Variants in LRIF1 observed in about 807,000 individuals in gnomAD.
The protein encoded by LRIF1 is ligand-dependent nuclear receptor-interacting factor 1.
Under a neutral mutation model 52.7 loss-of-function variants are expected in LRIF1, and 32 were observed. The ratio of observed to expected loss-of-function variants is 0.61; its 90% CI spans 0.46 to 0.82. The LOEUF is 0.82. Among genes scored for constraint, LRIF1 ranks in the 40% least tolerant of loss-of-function variants. LRIF1 has a pLI of 0.00. For synonymous variants in LRIF1, 323 were observed against 317.4 expected, an observed-to-expected ratio of 1.02 and a Z score of -0.19; for missense variants, 887 against 892.0, an observed-to-expected ratio of 0.99 and a Z score of 0.07.
chr1:110,960,892 C>A (rs1367527954), intron 1 of LRIF1, among the ~76,000 whole-genome samples: 2 of 152,150 alleles, frequency 1.3e-5, no homozygotes, highest in Non-Finnish European at 2.9e-5. Context: ...AGACTGCCAA[C>A]GTTATCTAAA....
chr1:110,960,721 T>C (rs1254868673), intron 1 of LRIF1, among the ~76,000 whole-genome samples: 1 of 152,200 alleles, frequency 6.6e-6, no homozygotes, highest in Admixed American at 6.5e-5. Flanking sequence ...TTGATCCCCC[T>C]TTCTTCCTGC....
Position 110,952,456 on chromosome 1 carries a change from T to C in LRIF1, c.428A>G (p.Asp143Gly), listed in dbSNP as rs767347685. 70 of 1,612,150 alleles carry C rather than the reference T, an allele frequency of 4.3e-5. No homozygotes were observed. Among genetic ancestry groups the C allele is most frequent in the Non-Finnish European group, 5.8e-5 (68 of 1,178,426 alleles). Residue 143 changes from aspartate (D) to glycine (G), a missense_variant, in exon 2 of 4, where the codon GAT (aspartate) becomes GGT (glycine). Asp to Gly is a moderately conservative substitution (Grantham distance 94, BLOSUM62 -1). Coordinates refer to ENST00000369763, the MANE Select transcript of LRIF1 (RefSeq NM_018372.4). ...AGCAAATGTTTGCATGGTGAGTCCA[T>C]CAATTTTCACACCATGACTCTGAAC... is the stretch of plus-strand genomic sequence containing the variant. ...SKVQSHGVKIDGLTMQTFAVP... is the reference protein window; with the variant it reads ...SKVQSHGVKIGGLTMQTFAVP...
At chr1:110,897,734 T>A in the LRIF1 span, 2 of 886,768 alleles carry the variant, frequency 2.3e-6, no homozygotes, top group African/African-American at 1.7e-5. Flanking sequence ...TGCAAAGCAC[T>A]GTATCTTCCA....
At chr1:110,887,260 T>A in the LRIF1 span, among the ~76,000 whole-genome samples, 28 of 152,016 alleles carry the variant, frequency 1.8e-4, no homozygotes, top group African/African-American at 6.8e-4. Flanking sequence ...GAGACGGGGT[T>A]TCACCGTGTT....
At position 110,947,731 on chromosome 1, in the gene LRIF1, T is replaced by C. The variant is rs1658261196; in HGVS notation, c.*228A>G. 2.6e-6 allele frequency: 1 copy of C among 383,682 alleles called. No individual in the cohort carries two copies. Among genetic ancestry groups the C allele is most frequent in the Non-Finnish European group, 4.5e-6 (1 of 223,402 alleles). The allele number at this position is 383,682 out of a possible 1,614,324, so 23.8% of individuals were successfully genotyped here. On this transcript the variant is annotated 3_prime_UTR_variant, in exon 4 of 4. Coordinates refer to ENST00000369763, the MANE Select transcript of LRIF1 (RefSeq NM_018372.4). ...AAATAATAGAAAAATATAAAATTTATCCTTCCAAAAAAAGGTATCTAAGAC... is the reference window on the plus strand; with the variant it reads ...AAATAATAGAAAAATATAAAATTTACCCTTCCAAAAAAAGGTATCTAAGAC...
chr1:110,945,800 C>G (rs954710544), downstream of LRIF1, among the ~76,000 whole-genome samples: 1 of 152,172 alleles, frequency 6.6e-6, no homozygotes, highest in African/African-American at 2.4e-5. Flanking sequence ...AGTGATGATT[C>G]ATGAAATTAC....
the LRIF1 span, among the ~76,000 whole-genome samples, chr1:110,917,711 A>G: frequency 6.6e-6 from 1 of 150,410 alleles, no homozygotes; most frequent in Non-Finnish European, 1.5e-5. Context: ...TAAACTGTAT[A>G]GTATGTTATA....
the LRIF1 span, among the ~76,000 whole-genome samples, chr1:110,875,300 T>C: frequency 6.6e-6 from 1 of 152,094 alleles, no homozygotes; most frequent in Non-Finnish European, 1.5e-5. Flanking sequence ...CACCAGAAAG[T>C]GGAGGGCAAG....
chr1:110,927,308 C>G, the LRIF1 span, among the ~76,000 whole-genome samples: 1 of 152,100 alleles, frequency 6.6e-6, no homozygotes, highest in Non-Finnish European at 1.5e-5. Context: ...AACTTCTTGC[C>G]TCCTTGTGAG....
chr1:110,899,126 G>T, the LRIF1 span: 1 of 1,613,542 alleles, frequency 6.2e-7, no homozygotes, highest in South Asian at 1.1e-5. Context: ...TTTCACAGGT[G>T]TTGGGGATGT....
intron 1 of LRIF1, chr1:110,963,392 G>T: frequency 2.9e-6 from 1 of 345,914 alleles, no homozygotes; most frequent in Non-Finnish European, 5.4e-6. Context: ...TTGAGACGCT[G>T]GGGTCCCGCG....
At chr1:110,912,426 G>T in the LRIF1 span, among the ~76,000 whole-genome samples, 1 of 152,068 alleles carries the variant, frequency 6.6e-6, no homozygotes, top group Non-Finnish European at 1.5e-5. Context: ...TGGCCAAGCT[G>T]GTCTAAAACT....
the LRIF1 span, among the ~76,000 whole-genome samples, chr1:110,904,392 C>T: frequency 2.0e-5 from 3 of 152,088 alleles, no homozygotes; most frequent in South Asian, 2.1e-4. Context: ...GTGACACAGG[C>T]GTGCTTGTGT....
chr1:110,876,381 A>C, the LRIF1 span, among the ~76,000 whole-genome samples: 3 of 152,226 alleles, frequency 2.0e-5, no homozygotes, highest in African/African-American at 7.2e-5. Context: ...AGTGCATTTT[A>C]ACATAAGCAA....
chr1:110,935,100 G>A, the LRIF1 span, among the ~76,000 whole-genome samples: 2 of 152,214 alleles, frequency 1.3e-5, no homozygotes, highest in African/African-American at 2.4e-5. Context: ...GTACCTCTAT[G>A]AGTCTGCAAG....
At chr1:110,905,989 G>A in the LRIF1 span, among the ~76,000 whole-genome samples, 2 of 151,910 alleles carry the variant, frequency 1.3e-5, no homozygotes, top group African/African-American at 2.4e-5. Context: ...TGGGATATAA[G>A]ATAGTATTTG....
the LRIF1 span, chr1:110,936,490 CTTTG>C: frequency 7.9e-5 from 12 of 151,992 alleles, no homozygotes; most frequent in Non-Finnish European, 1.0e-4. Context: ...GTTTTTGCTT[CTTTG>C]TTTGTTTATA....
chr1:110,929,554 G>A, the LRIF1 span, among the ~76,000 whole-genome samples: 2 of 152,084 alleles, frequency 1.3e-5, no homozygotes, highest in East Asian at 3.9e-4. Flanking sequence ...TGGCCCGCAT[G>A]TATGTCTTCT....
intron 2 of LRIF1, 60 bp downstream of exon 2, chr1:110,951,228 A>T: frequency 1.5e-6 from 2 of 1,375,174 alleles, no homozygotes; most frequent in Non-Finnish European, 2.0e-6. Context: ...TTTGAGAATT[A>T]AGAAAACAAA....
Sources: gnomAD v4.1 joint callset for allele counts (sites outside exome capture counted in the v4.1 genomes callset) on GRCh38, gnomAD v4.1.1 for gene constraint, MANE v1.5 for transcripts, NCBI Gene and HGNC (gene_info 2026-07-23, HGNC 2026-07-21) for gene names.